The following CEP85L variants were observed in gnomAD, a reference collection of about 807,000 sequenced individuals.
CEP85L encodes centrosomal protein of 85 kDa-like.
A neutral mutation model predicts 100.3 loss-of-function variants in CEP85L; 60 were observed. The ratio of observed to expected loss-of-function variants is 0.60; its 90% CI spans 0.49 to 0.74. CEP85L has a LOEUF of 0.74. Among genes scored for constraint, CEP85L ranks in the 30% least tolerant of loss-of-function variants. The pLI is 0.00. For synonymous variants in CEP85L, 319 were observed against 322.7 expected, an observed-to-expected ratio of 0.99 and a Z score of 0.12; for missense variants, 973 against 936.2, an observed-to-expected ratio of 1.04 and a Z score of -0.51.
rs144573161 is a variant in CEP85L at position 118,620,726 on chromosome 6, G to A, written c.232+11727C>T. 3.1e-3 allele frequency among the ~76,000 whole-genome samples: 471 copies of A among 152,202 alleles called. 1 individual carries two copies. The highest frequency in any genetic ancestry group is 5.3e-3 in the Non-Finnish European group (359 of 68,020). On this transcript the variant is annotated intron_variant, in intron 2 of 12. Coordinates refer to ENST00000368491, the MANE Select transcript of CEP85L (RefSeq NM_001042475.3). ...TCGATTTCCTCCTGGACACCAGCACGGTCTTCTCAGTGTTAATCTCCTGCC... is the reference window on the plus strand; with the variant it reads ...TCGATTTCCTCCTGGACACCAGCACAGTCTTCTCAGTGTTAATCTCCTGCC...
intron 1 of CEP85L, among the ~76,000 whole-genome samples, chr6:118,705,960 G>C (rs564101613): frequency 1.3e-5 from 2 of 152,098 alleles, no homozygotes; most frequent in Non-Finnish European, 2.9e-5. Flanking sequence ...TGCTAAGCCC[G>C]CCCCCACATT....
intron 6 of CEP85L, among the ~76,000 whole-genome samples, chr6:118,485,616 T>A (rs552866452): frequency 6.6e-6 from 1 of 152,342 alleles, no homozygotes; most frequent in African/African-American, 2.4e-5. Context: ...GTGGTGACCA[T>A]ATAATACAAT....
intron 5 of CEP85L, 93 bp from the exon 6 acceptor site, chr6:118,491,958 A>G (rs1034532877): frequency 2.3e-6 from 2 of 862,192 alleles, no homozygotes; most frequent in Non-Finnish European, 3.5e-6. Flanking sequence ...TAAGGAGTAC[A>G]TATAGGCTAC....
intron 2 of CEP85L, among the ~76,000 whole-genome samples, chr6:118,591,224 G>A (rs1781172524): frequency 6.6e-6 from 1 of 152,142 alleles, no homozygotes. Flanking sequence ...TGGAGGCAGG[G>A]AACCTAAGGC....
At chr6:118,584,824 G>A (rs1258675056) in intron 2 of CEP85L, among the ~76,000 whole-genome samples, 1 of 152,214 alleles carries the variant, frequency 6.6e-6, no homozygotes, top group East Asian at 1.9e-4. Context: ...GCACTTTTGG[G>A]GGAGCCTTTG....
chr6:118,524,959 T>G (rs983226446), intron 3 of CEP85L, among the ~76,000 whole-genome samples: 17 of 152,212 alleles, frequency 1.1e-4, no homozygotes, highest in Non-Finnish European at 2.4e-4. Flanking sequence ...GAAATCAATC[T>G]GTGAGGTGGA....
At chr6:118,473,846 G>C (rs1773151874) in intron 10 of CEP85L, among the ~76,000 whole-genome samples, 1 of 152,054 alleles carries the variant, frequency 6.6e-6, no homozygotes, top group African/African-American at 2.4e-5. Flanking sequence ...AGGATACCTG[G>C]ACTGAACAAA....
chr6:118,533,469 T>G (rs946452768), intron 3 of CEP85L, among the ~76,000 whole-genome samples: 4 of 83,728 alleles, frequency 4.8e-5, no homozygotes, highest in African/African-American at 1.8e-4. Flanking sequence ...TTATAATTTT[T>G]TAAAAGCTCC....
chr6:118,605,074 G>T (rs961282756), intron 2 of CEP85L, among the ~76,000 whole-genome samples: 3 of 152,146 alleles, frequency 2.0e-5, no homozygotes, highest in African/African-American at 7.2e-5. Flanking sequence ...TTCTTAAGTG[G>T]ATTACTGGCT....
intron 1 of CEP85L, among the ~76,000 whole-genome samples, chr6:118,676,350 C>G (rs531778763): frequency 6.6e-6 from 1 of 152,174 alleles, no homozygotes; most frequent in Non-Finnish European, 1.5e-5. Flanking sequence ...CTCATCCCCT[C>G]TCTAGCCGTT....
intron 1 of CEP85L, among the ~76,000 whole-genome samples, chr6:118,634,552 T>C (rs1380008909): frequency 1.3e-5 from 2 of 152,202 alleles, no homozygotes; most frequent in African/African-American, 4.8e-5. Context: ...AGAGACACTT[T>C]TACCAGCTTT....
At chr6:118,499,753 C>T (rs1421642363) in intron 5 of CEP85L, among the ~76,000 whole-genome samples, 2 of 152,042 alleles carry the variant, frequency 1.3e-5, no homozygotes, top group African/African-American at 4.8e-5. Flanking sequence ...AGAACATATA[C>T]AAAATACAAG....
intron 1 of CEP85L, among the ~76,000 whole-genome samples, chr6:118,681,717 T>A (rs1776665102): frequency 6.6e-6 from 1 of 150,992 alleles, no homozygotes; most frequent in South Asian, 2.1e-4. Flanking sequence ...AGATCTATTT[T>A]ACCTTAATTA....
chr6:118,580,133 T>G (rs577790498), intron 2 of CEP85L, among the ~76,000 whole-genome samples: 7 of 152,222 alleles, frequency 4.6e-5, no homozygotes, highest in Non-Finnish European at 8.8e-5. Flanking sequence ...TGTTTTCTGC[T>G]GCACTCAGGG....
At chr6:118,600,298 GGGGT>G (rs1562297677) in intron 2 of CEP85L, among the ~76,000 whole-genome samples, 989 of 59,176 alleles carry the variant, frequency 0.017, 204 homozygotes, top group Admixed American at 0.056. Context: ...AGCCTTCCTG[GGGGT>G]GTGTGTGTGT....
rs551238731 is a variant in CEP85L at position 118,563,325 on chromosome 6, G to A, written c.1020+2204C>T. On this transcript the variant is annotated intron_variant, in intron 3 of 12. Coordinates refer to ENST00000368491, the MANE Select transcript of CEP85L (RefSeq NM_001042475.3). ...ATTATTCTGGACTAAGTCCTAGGAA[G>A]AGCAAACCTTCAATGTTACAAATTA... is the stretch of plus-strand genomic sequence containing the variant. Among the ~76,000 whole-genome samples, 31 of 152,316 alleles carry A rather than the reference G, an allele frequency of 2.0e-4. 1 individual carries two copies. The South Asian group carries it at 5.2e-3, about 25-fold the overall frequency.
At chr6:118,471,706 T>C (rs563649178) in intron 10 of CEP85L, among the ~76,000 whole-genome samples, 1 of 151,700 alleles carries the variant, frequency 6.6e-6, no homozygotes, top group South Asian at 2.1e-4. Context: ...CAGAAATGAA[T>C]CAAACTCTAT....
At chr6:118,678,328 T>C (rs1180452083) in intron 1 of CEP85L, among the ~76,000 whole-genome samples, 2 of 152,214 alleles carry the variant, frequency 1.3e-5, no homozygotes, top group Non-Finnish European at 2.9e-5. Flanking sequence ...GGATGCAAGA[T>C]GTCTTTGGAA....
intron 1 of CEP85L, among the ~76,000 whole-genome samples, chr6:118,691,018 G>GGAAA (rs755235565): frequency 6.7e-6 from 1 of 149,556 alleles, no homozygotes; most frequent in Non-Finnish European, 1.5e-5. Flanking sequence ...AAAGAAAGAA[G>GGAAA]GAAAGAAAGA....
Sources: allele counts gnomAD v4.1 joint callset (sites outside exome capture counted in the v4.1 genomes callset), GRCh38; gene constraint gnomAD v4.1.1; transcripts MANE v1.5; gene names NCBI Gene and HGNC (gene_info 2026-07-23, HGNC 2026-07-21).